The following DLGAP2 variants were observed in gnomAD, a reference collection of about 807,000 sequenced individuals.
The protein encoded by DLGAP2 is disks large-associated protein 2.
DLGAP2 carries 26 observed loss-of-function variants against 100.3 expected under a neutral mutation model. The observed-to-expected ratio is 0.26, with a 90% CI of 0.19 to 0.36. The LOEUF is 0.36. DLGAP2 is among the 10% of genes least tolerant of loss of function. The pLI is 1.00. For missense variants in DLGAP2, 1,858 were observed against 1,453.2 expected (o/e 1.28, Z -4.53); for synonymous variants, 886 against 630.1 (o/e 1.41, Z -6.08).
intron 2 of DLGAP2, among the ~76,000 whole-genome samples, chr8:916,982 G>T (rs1390274088): frequency 6.6e-6 from 1 of 152,210 alleles, no homozygotes; most frequent in Non-Finnish European, 1.5e-5. Context: ...GACTGGAAGG[G>T]CCTCCTCTCT....
intron 6 of DLGAP2, among the ~76,000 whole-genome samples, chr8:1,566,156 G>A (rs936582012): frequency 6.6e-5 from 10 of 152,166 alleles, no homozygotes; most frequent in Non-Finnish European, 1.3e-4. Flanking sequence ...ATGAGCCATC[G>A]TATCTTTCTG....
rs1030332341 is a variant in DLGAP2, at chr8:855,711, T to A, written c.19-52201T>A. Among the ~76,000 whole-genome samples the A allele has an allele frequency of 2.6e-5, 4 of 152,116 alleles. No individual in the cohort carries two copies. The South Asian group carries it at 8.3e-4, about 32-fold the overall frequency. On this transcript the variant is annotated intron_variant, in intron 1 of 14. Coordinates refer to ENST00000637795, the MANE Select transcript of DLGAP2 (RefSeq NM_001346810.2). ...GATTTTTGAGGCCCTACAAAACAGG[T>A]TGAAGCTTTACCCTAGCTATGCAAG...
At chr8:1,320,379 C>G (rs1438211892) in intron 3 of DLGAP2, among the ~76,000 whole-genome samples, 1 of 152,110 alleles carries the variant, frequency 6.6e-6, no homozygotes, top group Non-Finnish European at 1.5e-5. Context: ...ACAGATGACA[C>G]TGAACCCTGG....
chr8:1,194,563 A>C (rs1192326822), intron 2 of DLGAP2, among the ~76,000 whole-genome samples: 1 of 152,084 alleles, frequency 6.6e-6, no homozygotes, highest in East Asian at 1.9e-4. Flanking sequence ...AGAGTTCAGG[A>C]CCAGTCAGGA....
At chr8:1,325,910 T>C (rs948481619) in intron 3 of DLGAP2, among the ~76,000 whole-genome samples, 48 of 152,220 alleles carry the variant, frequency 3.2e-4, no homozygotes, top group African/African-American at 1.1e-3. Flanking sequence ...GTAATCTTTA[T>C]TGTAGTGGTA....
At chr8:1,295,605 G>C (rs111816606) in intron 3 of DLGAP2, among the ~76,000 whole-genome samples, 1 of 152,274 alleles carries the variant, frequency 6.6e-6, no homozygotes, top group African/African-American at 2.4e-5. Context: ...AGGGGAACAT[G>C]TGTCAAGGTA....
chr8:875,757 T>C (rs1337488323), intron 1 of DLGAP2, among the ~76,000 whole-genome samples: 1 of 152,236 alleles, frequency 6.6e-6, no homozygotes, highest in Non-Finnish European at 1.5e-5. Flanking sequence ...CACTGTAGCA[T>C]TTTAAGTTAC....
At chr8:1,023,787 A>C (rs2129025435) in intron 2 of DLGAP2, among the ~76,000 whole-genome samples, 1 of 148,450 alleles carries the variant, frequency 6.7e-6, no homozygotes, top group South Asian at 2.1e-4. Flanking sequence ...TTCCCGTTTC[A>C]ATGTCTGTCT....
At chr8:1,208,697 C>T (rs1037783121) in intron 2 of DLGAP2, among the ~76,000 whole-genome samples, 2 of 151,972 alleles carry the variant, frequency 1.3e-5, no homozygotes, top group African/African-American at 4.8e-5. Flanking sequence ...TGTTGCAGTT[C>T]ACTGATGATA....
intron 1 of DLGAP2, among the ~76,000 whole-genome samples, chr8:740,540 G>T (rs1256739680): frequency 6.6e-6 from 1 of 152,110 alleles, no homozygotes; most frequent in Admixed American, 6.5e-5. Context: ...TTTTGAAATT[G>T]GTAGAAATTC....
intron 2 of DLGAP2, among the ~76,000 whole-genome samples, chr8:990,344 C>T (rs1271341991): frequency 7.3e-6 from 1 of 137,206 alleles, no homozygotes; most frequent in African/African-American, 2.8e-5. Context: ...AGTTCCTGTT[C>T]TTCTCTCCCT....
intron 1 of DLGAP2, among the ~76,000 whole-genome samples, chr8:852,678 G>A (rs17667042): frequency 0.11 from 16,288 of 152,156 alleles, 1,359 homozygotes; most frequent in Admixed American, 0.26. Flanking sequence ...CAGATGTCAT[G>A]CTAACACCTT....
chr8:1,665,703 C>T (rs1168846921), intron 8 of DLGAP2, among the ~76,000 whole-genome samples: 2 of 152,268 alleles, frequency 1.3e-5, no homozygotes, highest in African/African-American at 2.4e-5. Flanking sequence ...TCATTGAGAG[C>T]CCCCGTCCGC....
Position 1,164,324 on chromosome 8 carries a change from A to T in DLGAP2, c.74-94527A>T, listed in dbSNP as rs1362764783. ...CCAGGGTTTGTTTTTGTTTGTGGGG[A>T]CAGATTTTTCTGTGAGCCCGCAGGG... On this transcript the variant is annotated intron_variant, in intron 2 of 14. Coordinates refer to ENST00000637795, the MANE Select transcript of DLGAP2 (RefSeq NM_001346810.2). Among the ~76,000 whole-genome samples the T allele has an allele frequency of 6.7e-5, 5 of 74,378 alleles. 1 individual carries two copies. Among genetic ancestry groups the T allele is most frequent in the Non-Finnish European group, 1.5e-4 (5 of 32,764 alleles). 48.8% of individuals were successfully genotyped at this position (74,378 alleles called of 152,430 possible). A position where few individuals can be genotyped will look rare whatever the true frequency, so the allele number is the denominator to read the frequency against.
At chr8:1,340,037 C>T (rs958091439) in intron 3 of DLGAP2, among the ~76,000 whole-genome samples, 4 of 152,128 alleles carry the variant, frequency 2.6e-5, no homozygotes, top group Non-Finnish European at 5.9e-5. Flanking sequence ...GGAGAACTGG[C>T]AGGACGTGTG....
chr8:1,425,323 G>C (rs62484243), intron 3 of DLGAP2, among the ~76,000 whole-genome samples: 1 of 152,142 alleles, frequency 6.6e-6, no homozygotes, highest in Non-Finnish European at 1.5e-5. Context: ...GCATGTGCTT[G>C]ATCTGTCAGA....
Position 1,678,380 on chromosome 8 carries a change from A to G in DLGAP2, c.2455A>G (p.Arg819Gly). ...CACCCCCACCCAGTACAGCGCGGTG[A>G]GAACTGTACGGACCCAGGGGCTCTT... ...PSTPTQYSAV[R>G]TVRTQGLFSY... Residue 819 changes from arginine (R) to glycine (G), a missense_variant, in exon 12 of 15, where the codon AGA becomes GGA. By Grantham distance (125) the Arg-to-Gly change is moderately radical. Coordinates refer to ENST00000637795, the MANE Select transcript of DLGAP2 (RefSeq NM_001346810.2). 1.9e-6 allele frequency: 3 copies of G among 1,614,000 alleles called. No individual in the cohort carries two copies. Among genetic ancestry groups the G allele is most frequent in the Non-Finnish European group, 2.5e-6 (3 of 1,179,880 alleles).
At chr8:1,205,490 T>C (rs1302054078) in intron 2 of DLGAP2, among the ~76,000 whole-genome samples, 1 of 152,088 alleles carries the variant, frequency 6.6e-6, no homozygotes, top group African/African-American at 2.4e-5. Context: ...GTCCAGGCAA[T>C]TGACAGGGGG....
intron 2 of DLGAP2, among the ~76,000 whole-genome samples, chr8:1,168,484 T>G (rs1320153048): frequency 1.3e-5 from 2 of 148,998 alleles, no homozygotes; most frequent in African/African-American, 4.9e-5. Flanking sequence ...TGAACTAGTT[T>G]ACAGTCCCAC....
Sources: gnomAD v4.1 joint callset for allele counts (sites outside exome capture counted in the v4.1 genomes callset) on GRCh38, gnomAD v4.1.1 for gene constraint, MANE v1.5 for transcripts, NCBI Gene and HGNC (gene_info 2026-07-23, HGNC 2026-07-21) for gene names.